Variants in PKHD1L1 observed in about 807,000 individuals in gnomAD.
PKHD1L1 encodes PKHD1 like 1.
PKHD1L1 carries 434 observed loss-of-function variants against 462.9 expected under a neutral mutation model. The ratio of observed to expected loss-of-function variants is 0.94; its 90% CI spans 0.87 to 1.02. The LOEUF (loss-of-function observed/expected upper bound fraction) is 1.02, where lower values mean the gene tolerates loss of function less well. PKHD1L1 is among the 50% of genes least tolerant of loss of function. PKHD1L1 has a pLI of 0.00. For missense variants in PKHD1L1, 5,202 were observed against 5,096.1 expected (o/e 1.02, Z -0.63); for synonymous variants, 1,781 against 1,750.0 (o/e 1.02, Z -0.44).
At chr8:109,471,048 C>T in intron 50 of PKHD1L1, 1 of 1,593,828 alleles carries the variant, frequency 6.3e-7, no homozygotes, top group Non-Finnish European at 8.6e-7. Context: ...ACATTAACAC[C>T]TTCTGCGATG....
Position 109,530,363 on chromosome 8 carries a change from G to T in PKHD1L1, c.*273G>T. On this transcript the variant is annotated 3_prime_UTR_variant, in exon 78 of 78. Coordinates refer to ENST00000378402, the MANE Select transcript of PKHD1L1 (RefSeq NM_177531.6). The stretch of plus-strand genomic sequence containing the variant: ...GTAGATATGACACCTCTAAGTTATT[G>T]TACCAACAAATCATAGAATCCTTTA... 4.8e-6 allele frequency: 1 copy of T among 209,412 alleles called. No individual in the cohort carries two copies. Among genetic ancestry groups the T allele is most frequent in the Non-Finnish European group, 9.6e-6 (1 of 104,234 alleles). The allele number at this position is 209,412 out of a possible 1,614,324, so 13.0% of individuals were successfully genotyped here.
chr8:109,364,384 A>G (rs571869032), intron 1 of PKHD1L1, among the ~76,000 whole-genome samples, 163 bp from the exon 2 acceptor site: 3 of 152,256 alleles, frequency 2.0e-5, no homozygotes, highest in East Asian at 3.8e-4. Flanking sequence ...GACTCTGTCA[A>G]GTCATTGGCA....
At chr8:109,509,673 T>G (rs1022448029) in intron 70 of PKHD1L1, among the ~76,000 whole-genome samples, 1 of 151,896 alleles carries the variant, frequency 6.6e-6, no homozygotes, top group African/African-American at 2.4e-5. Context: ...CTCTAAATTT[T>G]TATGTTATAC....
rs1374165567 is a variant in PKHD1L1 at position 109,381,493 on chromosome 8, C to G, written c.287C>G (p.Thr96Ser). ...GTAGAAAAAGATGCAAGTCATTCAACTCAAATTACATGCTATACTAGGTCT... is the reference window on the plus strand; with the variant it reads ...GTAGAAAAAGATGCAAGTCATTCAAGTCAAATTACATGCTATACTAGGTCT... ...CDVEKDASHSTQITCYTRAMP... is the reference protein window; with the variant it reads ...CDVEKDASHSSQITCYTRAMP... The change falls in exon 3 of 78, where the codon ACT (threonine) becomes AGT (serine). Residue 96 changes from threonine (T) to serine (S), a missense_variant. Physicochemically the swap from Thr to Ser is moderately conservative, Grantham distance 58 (BLOSUM62 1). This residue lies in a region of PKHD1L1 where 4,497 missense variants were observed against 4,336.8 expected (regional missense o/e 1.04). Coordinates refer to ENST00000378402, the MANE Select transcript of PKHD1L1 (RefSeq NM_177531.6). The G allele has an allele frequency of 6.3e-7, 1 of 1,578,294 alleles. No homozygotes were observed. The highest frequency in any genetic ancestry group is 1.3e-5 in the African/African-American group (1 of 74,294).
At position 109,518,226 on chromosome 8, in the gene PKHD1L1, T is replaced by C. The variant is rs1291350574; in HGVS notation, c.11749T>C (p.Tyr3917His). The C allele has an allele frequency of 1.9e-6, 3 of 1,611,108 alleles. No individual in the cohort carries two copies. The Admixed American group carries it at 5.0e-5, about 27-fold the overall frequency. The change falls in exon 73 of 78, where the codon TAC (tyrosine) becomes CAC (histidine). Residue 3917 changes from tyrosine (Y) to histidine (H), a missense_variant. Physicochemically the swap from Tyr to His is moderately conservative, Grantham distance 83. Coordinates refer to ENST00000378402, the MANE Select transcript of PKHD1L1 (RefSeq NM_177531.6). ...VLGENYFDGTYQMLYLLVKGT... is the reference protein window; with the variant it reads ...VLGENYFDGTHQMLYLLVKGT... ...TGGTGAAAACTACTTTGATGGAACC[T>C]ACCAGATGCTTTATCTTTTGGTTAA...
Position 109,531,895 on chromosome 8 carries a change from A to G in PKHD1L1, c.*1805A>G, listed in dbSNP as rs1821049858. On this transcript the variant is annotated 3_prime_UTR_variant, in exon 78 of 78. Transcript: ENST00000378402. Reference sequence around the variant, plus strand: ...AAAGAGACCCAACATGGGCCATTTCACGCTGAGACTTAAAAATCAGTCTTC... The same window carrying G: ...AAAGAGACCCAACATGGGCCATTTCGCGCTGAGACTTAAAAATCAGTCTTC... Among the ~76,000 whole-genome samples the G allele has an allele frequency of 6.6e-6, 1 of 152,192 alleles. No homozygotes were observed. Among genetic ancestry groups the G allele is most frequent in the African/African-American group, 2.4e-5 (1 of 41,438 alleles).
intron 23 of PKHD1L1, among the ~76,000 whole-genome samples, chr8:109,422,234 T>C (rs1814511841): frequency 6.6e-6 from 1 of 150,656 alleles, no homozygotes; most frequent in South Asian, 2.1e-4. Context: ...TGTGTGTGTG[T>C]GCGTGTTTGT....
intron 47 of PKHD1L1, 110 bp from the exon 48 acceptor site, chr8:109,461,662 T>G: frequency 9.7e-6 from 11 of 1,136,974 alleles, no homozygotes; most frequent in Non-Finnish European, 1.2e-5. Flanking sequence ...TGTTCTAGGA[T>G]GAGGTTGAGA....
At chr8:109,465,380 A>G (rs1817384127) in intron 49 of PKHD1L1, 135 bp downstream of exon 49, 4 of 953,114 alleles carry the variant, frequency 4.2e-6, no homozygotes, top group South Asian at 3.6e-5. Context: ...AATTTAAATG[A>G]TAGAGGCAAG....
intron 65 of PKHD1L1, among the ~76,000 whole-genome samples, chr8:109,498,087 C>CTTTTTTTTTTTT (rs71305953): frequency 1.7e-5 from 1 of 58,960 alleles, no homozygotes; most frequent in Non-Finnish European, 3.0e-5. Flanking sequence ...ATCATGTTTT[C>CTTTTTTTTTTTT]TTTTTTTTTT....
In PKHD1L1 at chr8:109,464,357, C is replaced by T. The variant is rs549125336; in HGVS notation, c.7525C>T (p.His2509Tyr). The change falls in exon 49 of 78, where the codon CAC (histidine) becomes TAC (tyrosine). Residue 2509 changes from histidine to tyrosine, a missense_variant. This residue lies in a region of PKHD1L1 where 4,497 missense variants were observed against 4,336.8 expected (regional missense o/e 1.04). Coordinates refer to ENST00000378402, the MANE Select transcript of PKHD1L1 (RefSeq NM_177531.6). Reference sequence around the variant, plus strand: ...CAGAGCTGTTACTATTCATAACACACACCATCTTCTGGTTGAGAGGAATAT... The same window carrying T: ...CAGAGCTGTTACTATTCATAACACATACCATCTTCTGGTTGAGAGGAATAT... ...YNRAVTIHNT[H>Y]HLLVERNIIY... 3 of 1,613,326 alleles carry T rather than the reference C, an allele frequency of 1.9e-6. No individual in the cohort carries two copies. Among genetic ancestry groups the T allele is most frequent in the African/African-American group, 2.7e-5 (2 of 74,996 alleles).
intron 23 of PKHD1L1, among the ~76,000 whole-genome samples, chr8:109,421,393 C>T (rs1358163104): frequency 6.6e-6 from 1 of 152,018 alleles, no homozygotes; most frequent in Non-Finnish European, 1.5e-5. Context: ...AAAAAATTGC[C>T]TTTATCCCAT....
intron 50 of PKHD1L1, among the ~76,000 whole-genome samples, chr8:109,467,114 G>C (rs1374175388): frequency 3.3e-5 from 5 of 152,068 alleles, no homozygotes; most frequent in Non-Finnish European, 7.4e-5. Flanking sequence ...AGATGGGATG[G>C]GGGAGCATTT....
Position 109,483,111 on chromosome 8 carries a change from C to A in PKHD1L1, c.9576+6C>A, listed in dbSNP as rs772332982. On this transcript the variant is annotated splice_donor_region_variant and intron_variant, in intron 57 of 77. Transcript: ENST00000378402. ...TGGATGCTGTGGATTGGCAGGTAGACAAAATAATTATGTAATGGAAAATGA... is the reference window on the plus strand; with the variant it reads ...TGGATGCTGTGGATTGGCAGGTAGAAAAAATAATTATGTAATGGAAAATGA... 4.5e-6 allele frequency: 7 copies of A among 1,555,630 alleles called. No individual in the cohort carries two copies. In the East Asian group the frequency reaches 1.7e-4, roughly 38 times the overall value.
At chr8:109,402,418 C>T (rs1813317590) in intron 14 of PKHD1L1, among the ~76,000 whole-genome samples, 1 of 152,124 alleles carries the variant, frequency 6.6e-6, no homozygotes, top group Non-Finnish European at 1.5e-5. Flanking sequence ...TCTAGAGCCT[C>T]AGCAGGCATG....
chr8:109,505,431 G>T (rs780698779), intron 68 of PKHD1L1, among the ~76,000 whole-genome samples: 3 of 152,044 alleles, frequency 2.0e-5, no homozygotes, highest in Non-Finnish European at 4.4e-5. Flanking sequence ...TTCCAGAAGC[G>T]ATCATTTAGA....
At chr8:109,525,727 A>C (rs922402247) in intron 76 of PKHD1L1, among the ~76,000 whole-genome samples, 10 of 152,336 alleles carry the variant, frequency 6.6e-5, no homozygotes, top group African/African-American at 2.4e-4. Flanking sequence ...ATTAATAAAA[A>C]AATTCACCTG....
At chr8:109,382,002 T>C (rs1481943933) in intron 3 of PKHD1L1, among the ~76,000 whole-genome samples, 1 of 152,134 alleles carries the variant, frequency 6.6e-6, no homozygotes, top group East Asian at 1.9e-4. Flanking sequence ...CTTTCAATAT[T>C]GAACTTAGAA....
At chr8:109,390,392 G>T in intron 8 of PKHD1L1, 60 bp from the exon 9 acceptor site, 1 of 918,846 alleles carries the variant, frequency 1.1e-6, no homozygotes. Context: ...TTATAATATA[G>T]AGTTATTGTT....
Sources: allele counts gnomAD v4.1 joint callset (sites outside exome capture counted in the v4.1 genomes callset), GRCh38; gene constraint gnomAD v4.1.1; regional missense constraint gnomAD v4.1.1; transcripts MANE v1.5; gene names NCBI Gene and HGNC (gene_info 2026-07-23, HGNC 2026-07-21).